SEMA3D: variants seen among roughly 807,000 people sequenced by gnomAD.
SEMA3D encodes semaphorin-3D.
Under a neutral mutation model 100.1 loss-of-function variants are expected in SEMA3D, and 84 were observed. That is an observed-to-expected ratio of 0.84 (90% CI 0.70 to 1.01). SEMA3D has a LOEUF of 1.01. Ranked by LOEUF, SEMA3D falls within the 50% of genes least tolerant of loss-of-function variation. SEMA3D has a pLI of 0.00. For missense variants in SEMA3D, 875 were observed against 934.1 expected (o/e 0.94, Z 0.82); for synonymous variants, 312 against 320.7 (o/e 0.97, Z 0.29).
At chr7:85,249,496 C>G in the SEMA3D span, among the ~76,000 whole-genome samples, 1 of 152,200 alleles carries the variant, frequency 6.6e-6, no homozygotes, top group Non-Finnish European at 1.5e-5. Flanking sequence ...TACACCCAGT[C>G]TACCATATTG....
At chr7:85,093,219 G>T (rs967876128) in intron 4 of SEMA3D, among the ~76,000 whole-genome samples, 2 of 151,820 alleles carry the variant, frequency 1.3e-5, no homozygotes, top group African/African-American at 2.4e-5. Flanking sequence ...AAAGTGTTTC[G>T]TTCCTAAATA....
At chr7:85,141,907 A>G (rs117524347) in intron 2 of SEMA3D, 27,661 of 976,372 alleles carry the variant, frequency 0.028, 432 homozygotes, top group Non-Finnish European at 0.032. Context: ...TAGATTTCTC[A>G]GTATTAATTT....
At chr7:85,205,966 AAC>A in the SEMA3D span, among the ~76,000 whole-genome samples, 48 of 152,074 alleles carry the variant, frequency 3.2e-4, no homozygotes, top group Admixed American at 1.3e-4. Flanking sequence ...CATGTATCAA[AAC>A]AGTTTCCTGC....
chr7:85,057,905 T>C (rs1791367023), intron 8 of SEMA3D, among the ~76,000 whole-genome samples: 1 of 152,202 alleles, frequency 6.6e-6, no homozygotes, highest in Non-Finnish European at 1.5e-5. Context: ...CACTCCAGCC[T>C]AGGCGACAGA....
chr7:85,141,033 T>C (rs1013572689), intron 2 of SEMA3D: 23 of 743,016 alleles, frequency 3.1e-5, no homozygotes, highest in Non-Finnish European at 3.6e-5. Context: ...AATGAGTTAA[T>C]TGTTTCCACT....
chr7:85,035,094 G>T (rs1790655811), intron 12 of SEMA3D, among the ~76,000 whole-genome samples: 1 of 151,758 alleles, frequency 6.6e-6, no homozygotes, highest in Middle Eastern at 3.4e-3. Context: ...GTCAACAGAT[G>T]AATGGATAAA....
chr7:85,012,698 T>A, intron 17 of SEMA3D, 84 bp downstream of exon 17: 1 of 983,156 alleles, frequency 1.0e-6, no homozygotes, highest in Non-Finnish European at 1.6e-6. Context: ...ATATAATAGA[T>A]GGTTTAAGTC....
chr7:85,217,318 C>T, the SEMA3D span, among the ~76,000 whole-genome samples: 1 of 151,936 alleles, frequency 6.6e-6, no homozygotes, highest in Admixed American at 6.6e-5. Context: ...GTCACATATT[C>T]ATCGAATATT....
intron 15 of SEMA3D, among the ~76,000 whole-genome samples, chr7:85,016,219 C>T (rs895051390): frequency 2.8e-4 from 41 of 145,800 alleles, no homozygotes; most frequent in Non-Finnish European, 4.5e-4. Context: ...CTCTTCATTT[C>T]GGATTAAGAC....
At chr7:85,060,672 A>G (rs914304026) in intron 8 of SEMA3D, among the ~76,000 whole-genome samples, 3 of 152,092 alleles carry the variant, frequency 2.0e-5, no homozygotes, top group East Asian at 1.9e-4. Flanking sequence ...CTTTCTCCCT[A>G]TGAAACTCTT....
At chr7:85,151,598 CGTGTGTGTGTGTGTGT>C (rs57024733) in intron 2 of SEMA3D, 8 of 850,764 alleles carry the variant, frequency 9.4e-6, no homozygotes, top group South Asian at 5.4e-5. Flanking sequence ...TGTGTGTATG[CGTGTGTGTGTGTGTGT>C]GTGTGTGTGT....
intron 3 of SEMA3D, among the ~76,000 whole-genome samples, chr7:85,098,189 T>A (rs1403513347): frequency 2.6e-5 from 4 of 151,802 alleles, no homozygotes; most frequent in Admixed American, 6.6e-5. Flanking sequence ...AATGAATACA[T>A]ACAGCATAAA....
the SEMA3D span, among the ~76,000 whole-genome samples, chr7:85,244,567 T>C: frequency 6.6e-6 from 1 of 152,154 alleles, no homozygotes; most frequent in African/African-American, 2.4e-5. Context: ...AATCTCTAGG[T>C]TGCGATAGTC....
chr7:85,152,276 G>A (rs955169520), intron 2 of SEMA3D, among the ~76,000 whole-genome samples: 1 of 152,030 alleles, frequency 6.6e-6, no homozygotes, highest in Non-Finnish European at 1.5e-5. Context: ...AGCCAAAGAT[G>A]CATGTAAAAG....
chr7:85,017,572 T>C (rs944377207), intron 15 of SEMA3D, among the ~76,000 whole-genome samples: 4 of 151,844 alleles, frequency 2.6e-5, no homozygotes, highest in South Asian at 2.1e-4. Context: ...ACATGTCATA[T>C]GGCTTTCTTA....
At chr7:85,218,498 C>G in the SEMA3D span, among the ~76,000 whole-genome samples, 3 of 151,998 alleles carry the variant, frequency 2.0e-5, no homozygotes, top group Non-Finnish European at 2.9e-5. Flanking sequence ...TAATTTCTCA[C>G]TATATCTCAT....
intron 9 of SEMA3D, among the ~76,000 whole-genome samples, chr7:85,052,869 T>C (rs919099726): frequency 2.0e-5 from 3 of 151,954 alleles, no homozygotes; most frequent in African/African-American, 7.2e-5. Flanking sequence ...GTGAAAAGAT[T>C]CACACTTGTT....
chr7:85,202,305 G>T, the SEMA3D span, among the ~76,000 whole-genome samples: 1 of 148,684 alleles, frequency 6.7e-6, no homozygotes. Context: ...GAGAATATGA[G>T]GTGTTTGGTT....
intron 1 of SEMA3D, among the ~76,000 whole-genome samples, chr7:85,183,265 T>C (rs1791449829): frequency 6.6e-6 from 1 of 152,208 alleles, no homozygotes; most frequent in Non-Finnish European, 1.5e-5. Flanking sequence ...GATAACCCTT[T>C]TGATAGTTAA....
Sources: gnomAD v4.1 joint callset for allele counts (sites outside exome capture counted in the v4.1 genomes callset) on GRCh38, gnomAD v4.1.1 for gene constraint, MANE v1.5 for transcripts, NCBI Gene and HGNC (gene_info 2026-07-23, HGNC 2026-07-21) for gene names.